Variants in AMPH observed in about 807,000 individuals in gnomAD.
The protein encoded by AMPH is amphiphysin (Stiff-Mann syndrome with breast cancer 128kD autoantigen).
AMPH carries 49 observed loss-of-function variants against 99.1 expected under a neutral mutation model. That is an observed-to-expected ratio of 0.49 (90% CI 0.39 to 0.63). The LOEUF (loss-of-function observed/expected upper bound fraction) is 0.63, where lower values mean the gene tolerates loss of function less well. Among genes scored for constraint, AMPH ranks in the 20% least tolerant of loss-of-function variants. The probability of loss-of-function intolerance (pLI) is 0.00; values close to 1 mark genes in which losing one functional copy is unlikely to be tolerated. For missense variants in AMPH, 759 were observed against 863.4 expected, an observed-to-expected ratio of 0.88 and a Z score of 1.52; for synonymous variants, 314 against 317.3, an observed-to-expected ratio of 0.99 and a Z score of 0.11.
chr7:38,445,356 G>A (rs904846806), intron 11 of AMPH, among the ~76,000 whole-genome samples: 5 of 151,956 alleles, frequency 3.3e-5, no homozygotes, highest in Non-Finnish European at 7.4e-5. Context: ...TTTTATCTTG[G>A]GTTAGGCAAA....
chr7:38,564,613 T>C (rs1009170527), intron 1 of AMPH, among the ~76,000 whole-genome samples: 2 of 152,310 alleles, frequency 1.3e-5, no homozygotes, highest in East Asian at 3.9e-4. Context: ...GATGCTGGGA[T>C]GATCCAAATC....
At chr7:38,546,535 C>T (rs1345206674) in intron 1 of AMPH, among the ~76,000 whole-genome samples, 1 of 152,104 alleles carries the variant, frequency 6.6e-6, no homozygotes, top group Non-Finnish European at 1.5e-5. Flanking sequence ...AAGTTGGATA[C>T]AAAACCTGCA....
At chr7:38,603,097 C>T (rs1331097186) in intron 1 of AMPH, among the ~76,000 whole-genome samples, 2 of 152,030 alleles carry the variant, frequency 1.3e-5, no homozygotes, top group African/African-American at 4.8e-5. Flanking sequence ...AGGTGGATCA[C>T]TTGAGGTCAG....
At chr7:38,535,367 A>C (rs561926593) in intron 1 of AMPH, among the ~76,000 whole-genome samples, 12 of 152,304 alleles carry the variant, frequency 7.9e-5, no homozygotes, top group African/African-American at 2.9e-4. Context: ...ACAATGCTGA[A>C]TGCATAATTG....
At chr7:38,393,526 C>T (rs1334153526) in intron 18 of AMPH, among the ~76,000 whole-genome samples, 1 of 152,180 alleles carries the variant, frequency 6.6e-6, no homozygotes, top group Non-Finnish European at 1.5e-5. Flanking sequence ...TTTCCCTTCT[C>T]AAAGTGCCAC....
chr7:38,613,223 C>A (rs1464364163), intron 1 of AMPH, among the ~76,000 whole-genome samples: 1 of 152,154 alleles, frequency 6.6e-6, no homozygotes, highest in African/African-American at 2.4e-5. Flanking sequence ...GTACCAAAAT[C>A]TTTCTGTAAT....
At chr7:38,456,384 G>A (rs1379211988) in intron 11 of AMPH, among the ~76,000 whole-genome samples, 3 of 152,210 alleles carry the variant, frequency 2.0e-5, no homozygotes, top group African/African-American at 2.4e-5. Context: ...GTCACAACCA[G>A]TGTCAATGTA....
chr7:38,613,116 G>A (rs887872426), intron 1 of AMPH, among the ~76,000 whole-genome samples: 2 of 152,102 alleles, frequency 1.3e-5, no homozygotes, highest in African/African-American at 4.8e-5. Context: ...ACTTGACCAA[G>A]ACCATACAGC....
chr7:38,587,012 TAC>T (rs36077157), intron 1 of AMPH, among the ~76,000 whole-genome samples: 46,288 of 149,288 alleles, frequency 0.31, 7,548 homozygotes, highest in African/African-American at 0.4. Context: ...ATTGTGTAAA[TAC>T]ACACACACAC....
chr7:38,577,235 T>C (rs1409433692), intron 1 of AMPH, among the ~76,000 whole-genome samples: 1 of 152,188 alleles, frequency 6.6e-6, no homozygotes, highest in South Asian at 2.1e-4. Flanking sequence ...TGTGGACAAA[T>C]GTACACCTGT....
intron 2 of AMPH, among the ~76,000 whole-genome samples, chr7:38,506,049 T>A (rs1413742358): frequency 6.6e-6 from 1 of 152,182 alleles, no homozygotes; most frequent in African/African-American, 2.4e-5. Flanking sequence ...AGCCATCACA[T>A]GCTCCTGCCA....
chr7:38,470,587 A>G (rs1480772152), intron 7 of AMPH, among the ~76,000 whole-genome samples: 1 of 152,012 alleles, frequency 6.6e-6, no homozygotes, highest in Admixed American at 6.6e-5. Flanking sequence ...TCTTTTGCAC[A>G]TTCCATAAAA....
intron 2 of AMPH, among the ~76,000 whole-genome samples, chr7:38,524,917 T>C (rs1790105997): frequency 6.6e-6 from 1 of 152,008 alleles, no homozygotes; most frequent in African/African-American, 2.4e-5. Flanking sequence ...TCCTCACCAC[T>C]CCTTACTGTT....
At chr7:38,575,536 T>C (rs564422736) in intron 1 of AMPH, among the ~76,000 whole-genome samples, 2 of 152,272 alleles carry the variant, frequency 1.3e-5, no homozygotes, top group Admixed American at 6.5e-5. Flanking sequence ...TGAGTTCTCA[T>C]AAGATCTGAT....
intron 1 of AMPH, among the ~76,000 whole-genome samples, chr7:38,577,860 G>T (rs1041667267): frequency 2.6e-5 from 4 of 152,088 alleles, no homozygotes; most frequent in Non-Finnish European, 4.4e-5. Context: ...CATAAAAGAG[G>T]AAAGGAGAAA....
chr7:38,627,023 T>G (rs1473979995), intron 1 of AMPH, among the ~76,000 whole-genome samples: 1 of 152,162 alleles, frequency 6.6e-6, no homozygotes, highest in African/African-American at 2.4e-5. Context: ...TGCCACCCAG[T>G]GTCCACTCCC....
At chr7:38,539,098 T>G (rs1489818091) in intron 1 of AMPH, among the ~76,000 whole-genome samples, 1 of 152,258 alleles carries the variant, frequency 6.6e-6, no homozygotes, top group Non-Finnish European at 1.5e-5. Flanking sequence ...AGAGAATCCT[T>G]GACAGGAGAC....
At chr7:38,478,559 A>C (rs1261351426) in intron 5 of AMPH, among the ~76,000 whole-genome samples, 2 of 152,190 alleles carry the variant, frequency 1.3e-5, no homozygotes, top group Non-Finnish European at 2.9e-5. Flanking sequence ...TCAATCAAAA[A>C]TTACAAAATA....
At chr7:38,512,241 C>T (rs1789568373) in intron 2 of AMPH, among the ~76,000 whole-genome samples, 1 of 152,132 alleles carries the variant, frequency 6.6e-6, no homozygotes, top group African/African-American at 2.4e-5. Flanking sequence ...CATGTTGGGG[C>T]TTACAAGGTG....
Sources: gnomAD v4.1 joint callset for allele counts (sites outside exome capture counted in the v4.1 genomes callset) on GRCh38, gnomAD v4.1.1 for gene constraint, MANE v1.5 for transcripts, NCBI Gene and HGNC (gene_info 2026-07-23, HGNC 2026-07-21) for gene names.